Variants in RBPMS observed in about 807,000 individuals in gnomAD.
RBPMS encodes the protein RNA binding protein, mRNA processing factor.
Under a neutral mutation model 26.8 loss-of-function variants are expected in RBPMS, and 7 were observed. That is an observed-to-expected ratio of 0.26 (90% CI 0.15 to 0.49). The LOEUF (loss-of-function observed/expected upper bound fraction) is 0.49. RBPMS is among the 20% of genes least tolerant of loss of function. The pLI, the probability that RBPMS is intolerant of heterozygous loss-of-function variation, is 0.98. For synonymous variants in RBPMS, 96 were observed against 93.3 expected, an observed-to-expected ratio of 1.03 and a Z score of -0.17; for missense variants, 186 against 250.0, an observed-to-expected ratio of 0.74 and a Z score of 1.73.
At chr8:30,425,183 C>T (rs1390724278) in intron 1 of RBPMS, among the ~76,000 whole-genome samples, 1 of 152,060 alleles carries the variant, frequency 6.6e-6, no homozygotes, top group Non-Finnish European at 1.5e-5. Flanking sequence ...TCTCAAACTC[C>T]TAGACTAAAG....
chr8:30,454,997 A>G (rs1003679557), intron 1 of RBPMS, among the ~76,000 whole-genome samples: 2 of 152,122 alleles, frequency 1.3e-5, no homozygotes, highest in East Asian at 3.9e-4. Flanking sequence ...TAATTTTTGT[A>G]TTTTTAGAAG....
chr8:30,556,426 G>A (rs1826922695), intron 6 of RBPMS: 1 of 985,858 alleles, frequency 1.0e-6, no homozygotes, highest in African/African-American at 1.7e-5. Flanking sequence ...AGAGGCTGGG[G>A]CAGGGCTTCC....
At chr8:30,541,970 G>A (rs191427680) in intron 5 of RBPMS, among the ~76,000 whole-genome samples, 6 of 152,328 alleles carry the variant, frequency 3.9e-5, no homozygotes, top group Admixed American at 6.5e-5. Flanking sequence ...GTTAGGTGTT[G>A]GTGAGGACTG....
intron 5 of RBPMS, among the ~76,000 whole-genome samples, chr8:30,522,413 T>G (rs1200760112): frequency 1.3e-5 from 2 of 152,020 alleles, no homozygotes; most frequent in Non-Finnish European, 2.9e-5. Context: ...GACGCCAAGG[T>G]GGGCAGATTG....
At chr8:30,561,201 A>T (rs937496587) in intron 7 of RBPMS, among the ~76,000 whole-genome samples, 2 of 152,226 alleles carry the variant, frequency 1.3e-5, no homozygotes, top group African/African-American at 4.8e-5. Context: ...TTCTTAAGCT[A>T]TAAGACTATA....
intron 5 of RBPMS, among the ~76,000 whole-genome samples, chr8:30,523,839 C>G (rs929415093): frequency 6.6e-6 from 1 of 152,024 alleles, no homozygotes; most frequent in Non-Finnish European, 1.5e-5. Flanking sequence ...TCTTGCTTTC[C>G]AGTGTTACCA....
chr8:30,504,078 ACATTTTTTAACTAAACTAAATC>A (rs1820841854), intron 4 of RBPMS, among the ~76,000 whole-genome samples, 186 bp from the exon 5 acceptor site: 1 of 152,220 alleles, frequency 6.6e-6, no homozygotes, highest in Non-Finnish European at 1.5e-5. Flanking sequence ...CTGTGTAACT[ACATTTTTTAACTAAACTAAATC>A]CCACTGACTT....
intron 6 of RBPMS, chr8:30,556,642 T>A (rs1166251438): frequency 2.0e-6 from 2 of 985,982 alleles, no homozygotes; most frequent in South Asian, 9.4e-5. Flanking sequence ...CCCATCACCC[T>A]CTACTGTGTG....
At chr8:30,462,844 C>T (rs868461113) in intron 1 of RBPMS, among the ~76,000 whole-genome samples, 1 of 152,080 alleles carries the variant, frequency 6.6e-6, no homozygotes, top group Non-Finnish European at 1.5e-5. Flanking sequence ...TGGAAGGATG[C>T]ATGAGGAGCA....
chr8:30,386,967 C>G (rs1377194065), intron 1 of RBPMS: 1 of 152,046 alleles, frequency 6.6e-6, no homozygotes, highest in Non-Finnish European at 1.5e-5. Flanking sequence ...CCCCTCTTAA[C>G]AGCTGCCAGG....
In RBPMS at chr8:30,465,312, C is replaced by T. The variant is rs951555791; in HGVS notation, c.67-9467C>T. The stretch of plus-strand genomic sequence containing the variant: ...GATTTGTATCTGATATACCTCCCTC[C>T]TTCTGTGTCTGACAGTACTAAGGGA... On this transcript the variant is annotated intron_variant, in intron 1 of 8. Transcript: ENST00000397323. Among the ~76,000 whole-genome samples, 7 of 152,214 alleles carry T rather than the reference C, an allele frequency of 4.6e-5. No individual in the cohort carries two copies. In the East Asian group the frequency reaches 1.3e-3, roughly 29 times the overall value.
intron 1 of RBPMS, among the ~76,000 whole-genome samples, chr8:30,390,837 C>T (rs1004622679): frequency 6.6e-6 from 1 of 152,182 alleles, no homozygotes; most frequent in Admixed American, 6.5e-5. Flanking sequence ...CTCCTCTGCA[C>T]ACATCCACAC....
At chr8:30,473,607 G>A (rs1817373671) in intron 1 of RBPMS, among the ~76,000 whole-genome samples, 1 of 152,064 alleles carries the variant, frequency 6.6e-6, no homozygotes, top group Admixed American at 6.6e-5. Flanking sequence ...TATACCCAAA[G>A]GAATATACGT....
intron 5 of RBPMS, among the ~76,000 whole-genome samples, chr8:30,512,812 G>A (rs780336329): frequency 2.6e-5 from 4 of 152,124 alleles, no homozygotes; most frequent in African/African-American, 9.7e-5. Context: ...CATCAAAACC[G>A]CCTCCTTAAG....
chr8:30,390,441 C>T (rs1194164755), intron 1 of RBPMS, among the ~76,000 whole-genome samples: 2 of 152,222 alleles, frequency 1.3e-5, no homozygotes, highest in Admixed American at 6.5e-5. Flanking sequence ...CTGCTGGGCC[C>T]TCCAATGCCC....
rs80038604 is a variant in RBPMS, at chr8:30,528,586, T to C, written c.398-15908T>C. 9.8e-3 allele frequency among the ~76,000 whole-genome samples: 1,491 copies of C among 152,352 alleles called. 23 individuals are homozygous for C. Among genetic ancestry groups the C allele is most frequent in the African/African-American group, 0.031 (1,277 of 41,568 alleles). On this transcript the variant is annotated intron_variant, in intron 5 of 8. Coordinates refer to ENST00000397323, the MANE Select transcript of RBPMS (RefSeq NM_001008710.3). ...ATGAGAAATTCAATAATGAGGATGA[T>C]AGCAGCTGTTACTCATTCAAGACAT...
intron 5 of RBPMS, among the ~76,000 whole-genome samples, chr8:30,518,592 T>A (rs1822605350): frequency 6.6e-6 from 1 of 150,986 alleles, no homozygotes; most frequent in Non-Finnish European, 1.5e-5. Context: ...CGCCCAGCTA[T>A]TTTTTTTGTA....
At chr8:30,424,686 A>T (rs141190083) in intron 1 of RBPMS, among the ~76,000 whole-genome samples, 65 of 152,282 alleles carry the variant, frequency 4.3e-4, no homozygotes, top group Middle Eastern at 3.4e-3. Flanking sequence ...AGGAGATATG[A>T]TATGTAAAAT....
At chr8:30,529,203 G>T (rs1238486269) in intron 5 of RBPMS, among the ~76,000 whole-genome samples, 1 of 151,542 alleles carries the variant, frequency 6.6e-6, no homozygotes, top group Non-Finnish European at 1.5e-5. Flanking sequence ...GGGCAACAGC[G>T]AGATTCTGTC....
Sources: allele counts gnomAD v4.1 joint callset (sites outside exome capture counted in the v4.1 genomes callset), GRCh38; gene constraint gnomAD v4.1.1; transcripts MANE v1.5; gene names NCBI Gene and HGNC (gene_info 2026-07-23, HGNC 2026-07-21).